CD1A: variants seen among roughly 807,000 people sequenced by gnomAD.
CD1A encodes T-cell surface glycoprotein CD1a.
In CD1A, 50 loss-of-function variants were observed where a neutral mutation model predicts 38.3. The observed-to-expected ratio is 1.30, with a 90% CI of 1.04 to 1.65. CD1A has a LOEUF of 1.65. Ranked by LOEUF, CD1A falls within the 40% of genes most tolerant of loss-of-function variation. The probability of loss-of-function intolerance (pLI) is 0.00; values close to 1 mark genes in which losing one functional copy is unlikely to be tolerated. For missense variants in CD1A, 459 were observed against 406.1 expected (o/e 1.13, Z -1.12); for synonymous variants, 160 against 150.8 (o/e 1.06, Z -0.45).
chr1:158,254,945 G>T, intron 1 of CD1A, 139 bp from the exon 2 acceptor site: 1 of 949,030 alleles, frequency 1.1e-6, no homozygotes, highest in South Asian at 1.6e-5. Context: ...GCATGGGACT[G>T]TGTGGCAAGT....
At chr1:158,253,522 T>C (rs979975334), upstream of CD1A, among the ~76,000 whole-genome samples, 13 of 152,366 alleles carry the variant, frequency 8.5e-5, no homozygotes, top group South Asian at 1.9e-3. Flanking sequence ...GTAACTTTTA[T>C]GATATCTTTA....
At chr1:158,256,667 C>T in intron 3 of CD1A, 119 bp from the exon 4 acceptor site, 1 of 1,158,342 alleles carries the variant, frequency 8.6e-7, no homozygotes, top group South Asian at 1.6e-5. Flanking sequence ...CAGAGTGAGA[C>T]CCTGTCTCAA....
At chr1:158,256,381 G>T in intron 3 of CD1A, 99 bp downstream of exon 3, 1 of 1,177,872 alleles carries the variant, frequency 8.5e-7, no homozygotes, top group South Asian at 1.4e-5. Flanking sequence ...ACCCAGAAGT[G>T]GGAAAGGCTG....
Position 158,256,224 on chromosome 1 carries a change from C to G in CD1A, c.546C>G (p.Thr182=). The G allele has an allele frequency of 6.2e-7, 1 of 1,614,142 alleles. No individual in the cohort carries two copies. Among genetic ancestry groups the G allele is most frequent in the Non-Finnish European group, 8.5e-7 (1 of 1,180,012 alleles). The change falls in exon 3 of 6, where the codon ACC becomes ACG. Residue 182 remains threonine, a synonymous_variant. Transcript: ENST00000289429. The part of the protein sequence containing the change: ...NDITHNLLSD[T]CPRFILGLLD... ...TAACACACAATCTTCTCAGTGACAC[C>G]TGCCCACGTTTCATCTTGGGTCTTC...
intron 2 of CD1A, 105 bp downstream of exon 2, chr1:158,255,455 T>G: frequency 8.2e-7 from 1 of 1,221,992 alleles, no homozygotes; most frequent in South Asian, 1.5e-5. Flanking sequence ...TGTATCTTAT[T>G]CTATTCTTTC....
At position 158,257,927 on chromosome 1, in the gene CD1A, A is replaced by G; in HGVS notation, c.*237A>G. On this transcript the variant is annotated 3_prime_UTR_variant, in exon 6 of 6. Coordinates refer to ENST00000289429, the MANE Select transcript of CD1A (RefSeq NM_001763.3). The stretch of plus-strand genomic sequence containing the variant: ...TCTGGGACTTTTAAATTCAAATTTT[A>G]TCTCCAGATGGAATGGGGTCCTAGC... 1.9e-6 allele frequency: 1 copy of G among 525,184 alleles called. No homozygotes were observed. Among genetic ancestry groups the G allele is most frequent in the Non-Finnish European group, 3.4e-6 (1 of 294,802 alleles). The allele number at this position is 525,184 out of a possible 1,614,324, so 32.5% of individuals were successfully genotyped here. A position where few individuals can be genotyped will look rare whatever the true frequency, so the allele number is the denominator to read the frequency against.
Position 158,257,752 on chromosome 1 carries a change from G to A in CD1A, c.*62G>A. 1 of 1,452,714 alleles carries A rather than the reference G, an allele frequency of 6.9e-7. No individual in the cohort carries two copies. Among genetic ancestry groups the A allele is most frequent in the Admixed American group, 1.7e-5 (1 of 59,764 alleles). 90.0% of individuals were successfully genotyped at this position (1,452,714 alleles called of 1,614,324 possible). A position where few individuals can be genotyped will look rare whatever the true frequency, so the allele number is the denominator to read the frequency against. On this transcript the variant is annotated 3_prime_UTR_variant, in exon 6 of 6. Coordinates refer to ENST00000289429, the MANE Select transcript of CD1A (RefSeq NM_001763.3). ...TGGGGTGAGAGACCAGCAGCCCAAG[G>A]GCTCCAGACACACCTGAACACATCG...
intron 4 of CD1A, 98 bp from the exon 5 acceptor site, chr1:158,257,323 A>G: frequency 9.6e-7 from 1 of 1,041,560 alleles, no homozygotes; most frequent in Middle Eastern, 2.2e-4. Context: ...TGGATACTCA[A>G]ATGAAAAAAA....
chr1:158,257,308 T>A, intron 4 of CD1A, 113 bp from the exon 5 acceptor site: 1 of 975,122 alleles, frequency 1.0e-6, no homozygotes, highest in South Asian at 1.5e-5. Flanking sequence ...AGGAGATTGG[T>A]AAGTTGGATA....
At chr1:158,257,129 C>G in intron 4 of CD1A, 65 bp downstream of exon 4, 1 of 1,525,234 alleles carries the variant, frequency 6.6e-7, no homozygotes. Flanking sequence ...AGAGGGAGGG[C>G]AAGCTGAAAA....
Position 158,257,735 on chromosome 1 carries a change from G to A in CD1A, c.*45G>A, listed in dbSNP as rs763701968. 1 of 1,585,868 alleles carries A rather than the reference G, an allele frequency of 6.3e-7. No homozygotes were observed. The highest frequency in any genetic ancestry group is 2.2e-5 in the East Asian group (1 of 44,752). On this transcript the variant is annotated 3_prime_UTR_variant, in exon 6 of 6. Transcript: ENST00000289429. ...CGTCACCCTTCTCCTTTTGGGGTGA[G>A]AGACCAGCAGCCCAAGGGCTCCAGA...
intron 2 of CD1A, 133 bp from the exon 3 acceptor site, chr1:158,255,871 T>A: frequency 1.3e-6 from 1 of 799,574 alleles, no homozygotes; most frequent in Non-Finnish European, 2.0e-6. Flanking sequence ...TTTCTCTGAA[T>A]CCCTGACCAA....
At chr1:158,248,440 T>C in the CD1A span, 2 of 984,594 alleles carry the variant, frequency 2.0e-6, no homozygotes, top group Non-Finnish European at 2.4e-6. Context: ...AACAGGAACA[T>C]GCTTTTGGCC....
At chr1:158,257,153 G>A (rs1650287463) in intron 4 of CD1A, 89 bp downstream of exon 4, 2 of 1,470,480 alleles carry the variant, frequency 1.4e-6, no homozygotes, top group African/African-American at 1.4e-5. Context: ...TAGGATTTTA[G>A]GGATTATAGC....
rs369993390 is a variant in CD1A, at chr1:158,256,929, G to C, written c.748G>C (p.Gly250Arg). The change falls in exon 4 of 6, where the codon GGG becomes CGG. Residue 250 changes from glycine to arginine, a missense_variant. Transcript: ENST00000289429. Reference protein sequence around the residue: ...GEQEQQGTQRGDILPSADGTW... With the variant: ...GEQEQQGTQRRDILPSADGTW... ...GCAGGAGCAGCAGGGCACTCAGCGA[G>C]GGGACATCTTGCCCAGTGCTGATGG... The C allele has an allele frequency of 1.9e-6, 3 of 1,614,198 alleles. No homozygotes were observed. Among genetic ancestry groups the C allele is most frequent in the Non-Finnish European group, 1.7e-6 (2 of 1,180,034 alleles).
chr1:158,254,792 T>C (rs1220930527), intron 1 of CD1A, 65 bp downstream of exon 1: 1 of 168,226 alleles, frequency 5.9e-6, no homozygotes, highest in Non-Finnish European at 9.1e-6. Flanking sequence ...TCTCTGTGTG[T>C]GTGTGTGTGT....
At chr1:158,250,574 T>C (rs1379783220), upstream of CD1A, among the ~76,000 whole-genome samples, 1 of 152,166 alleles carries the variant, frequency 6.6e-6, no homozygotes, top group Non-Finnish European at 1.5e-5. Context: ...ACAACTCTGG[T>C]TAGCTCAGTC....
At chr1:158,250,025 G>C (rs764175354), upstream of CD1A, among the ~76,000 whole-genome samples, 2 of 152,246 alleles carry the variant, frequency 1.3e-5, no homozygotes, top group African/African-American at 4.8e-5. Flanking sequence ...ACTCTGTGGT[G>C]CAGCCTGGGT....
rs1218414143 is a variant in CD1A at position 158,257,031 on chromosome 1, A to C, written c.850A>C (p.Ser284Arg). 1 of 1,613,648 alleles carries C rather than the reference A, an allele frequency of 6.2e-7. No homozygotes were observed. The highest frequency in any genetic ancestry group is 8.5e-7 in the Non-Finnish European group (1 of 1,179,610). ...ADLSCRVKHS[S>R]LEGQDIVLYW... ...CCTGTCCTGTCGGGTGAAGCACAGC[A>C]GTCTAGAGGGCCAGGACATCGTCCT... The change falls in exon 4 of 6, where the codon AGT (serine) becomes CGT (arginine). Residue 284 changes from serine (S) to arginine (R), a missense_variant. By Grantham distance (110) the Ser-to-Arg change is moderately radical. Coordinates refer to ENST00000289429, the MANE Select transcript of CD1A (RefSeq NM_001763.3).
Sources: gnomAD v4.1 joint callset for allele counts (sites outside exome capture counted in the v4.1 genomes callset) on GRCh38, gnomAD v4.1.1 for gene constraint, MANE v1.5 for transcripts, NCBI Gene and HGNC (gene_info 2026-07-23, HGNC 2026-07-21) for gene names.